Variants in PDE3B observed in about 807,000 individuals in gnomAD.
The protein encoded by PDE3B is phosphodiesterase 3B.
Under a neutral mutation model 116.8 loss-of-function variants are expected in PDE3B, and 66 were observed. The ratio of observed to expected loss-of-function variants is 0.56; its 90% CI spans 0.46 to 0.69. PDE3B has a LOEUF of 0.69. Ranked by LOEUF, PDE3B falls within the 30% of genes least tolerant of loss-of-function variation. PDE3B has a pLI of 0.00. For synonymous variants in PDE3B, 595 were observed against 533.6 expected, an observed-to-expected ratio of 1.12 and a Z score of -1.59; for missense variants, 1,384 against 1,368.1, an observed-to-expected ratio of 1.01 and a Z score of -0.18.
chr11:14,680,917 A>C (rs914166467), intron 1 of PDE3B, among the ~76,000 whole-genome samples: 1 of 152,040 alleles, frequency 6.6e-6, no homozygotes, highest in African/African-American at 2.4e-5. Context: ...AACCCTGTTG[A>C]CTTTTTGTTT....
chr11:14,749,188 C>A (rs1856992323), intron 1 of PDE3B, among the ~76,000 whole-genome samples: 1 of 152,036 alleles, frequency 6.6e-6, no homozygotes, highest in Non-Finnish European at 1.5e-5. Context: ...CCACGCCTGG[C>A]CAAGAACTTT....
intron 1 of PDE3B, among the ~76,000 whole-genome samples, chr11:14,750,308 C>G (rs1857023155): frequency 6.6e-6 from 1 of 151,924 alleles, no homozygotes; most frequent in African/African-American, 2.4e-5. Context: ...AATTAACTAT[C>G]ACAAATATGA....
chr11:14,687,036 A>G (rs1434990240), intron 1 of PDE3B, among the ~76,000 whole-genome samples: 1 of 152,138 alleles, frequency 6.6e-6, no homozygotes, highest in Non-Finnish European at 1.5e-5. Context: ...AATATTTTTT[A>G]TAGTAAAAAT....
intron 1 of PDE3B, among the ~76,000 whole-genome samples, chr11:14,702,301 TAA>T (rs1855388834): frequency 1.3e-5 from 2 of 151,864 alleles, no homozygotes; most frequent in African/African-American, 4.8e-5. Context: ...AGATTATTAA[TAA>T]GAGTTTATTG....
intron 9 of PDE3B, among the ~76,000 whole-genome samples, chr11:14,832,338 T>C (rs1457500242): frequency 1.3e-5 from 2 of 152,236 alleles, no homozygotes; most frequent in East Asian, 1.9e-4. Flanking sequence ...TATAAGTTCA[T>C]TTAATTGAAG....
chr11:14,754,282 A>G (rs1383692901), intron 1 of PDE3B, among the ~76,000 whole-genome samples: 1 of 152,058 alleles, frequency 6.6e-6, no homozygotes. Flanking sequence ...TTAGCATTTT[A>G]ATTTTCACTG....
At chr11:14,749,668 G>A (rs1248433416) in intron 1 of PDE3B, among the ~76,000 whole-genome samples, 1 of 150,998 alleles carries the variant, frequency 6.6e-6, no homozygotes, top group East Asian at 2.0e-4. Flanking sequence ...ATGTCACAAA[G>A]GCCTTCTCTG....
chr11:14,782,901 A>C (rs1351687497), intron 2 of PDE3B, among the ~76,000 whole-genome samples: 1 of 152,240 alleles, frequency 6.6e-6, no homozygotes, highest in Non-Finnish European at 1.5e-5. Context: ...CAAGGAACTT[A>C]AACAAATTTA....
At chr11:14,892,573 C>CT in the PDE3B span, among the ~76,000 whole-genome samples, 1 of 152,174 alleles carries the variant, frequency 6.6e-6, no homozygotes, top group Non-Finnish European at 1.5e-5. Flanking sequence ...CTTAAAGTGT[C>CT]TTTTTAAGTA....
intron 1 of PDE3B, among the ~76,000 whole-genome samples, chr11:14,657,542 A>G (rs555777781): frequency 6.6e-6 from 1 of 152,326 alleles, no homozygotes; most frequent in South Asian, 2.1e-4. Flanking sequence ...TTTACGGGAA[A>G]ATACTTACAT....
chr11:14,673,749 C>A, intron 1 of PDE3B: 1 of 771,844 alleles, frequency 1.3e-6, no homozygotes. Context: ...TGCTCCAATT[C>A]GTACAAGTAA....
At chr11:14,654,678 C>G (rs569131797) in intron 1 of PDE3B, among the ~76,000 whole-genome samples, 5 of 152,096 alleles carry the variant, frequency 3.3e-5, no homozygotes, top group African/African-American at 1.2e-4. Context: ...AAAACAATAG[C>G]ATTTACATTG....
intron 4 of PDE3B, among the ~76,000 whole-genome samples, chr11:14,794,308 C>G (rs1858481754): frequency 7.3e-6 from 1 of 136,244 alleles, no homozygotes; most frequent in Non-Finnish European, 1.5e-5. Flanking sequence ...TCAATTATTT[C>G]TTTTTCTTTT....
intron 5 of PDE3B, among the ~76,000 whole-genome samples, chr11:14,806,068 G>A (rs1858910125): frequency 6.6e-6 from 1 of 152,202 alleles, no homozygotes; most frequent in South Asian, 2.1e-4. Context: ...TTCAACCAGT[G>A]TGGAAGACAG....
At chr11:14,756,030 A>G (rs1326418647) in intron 1 of PDE3B, among the ~76,000 whole-genome samples, 2 of 152,196 alleles carry the variant, frequency 1.3e-5, no homozygotes, top group African/African-American at 4.8e-5. Flanking sequence ...CCCATTTTAC[A>G]ATTATTTTAC....
rs1293503842 is a variant in PDE3B at position 14,644,197 on chromosome 11, A to C, written c.122A>C (p.Gln41Pro). ...AAGAGCTGCGTGAGCCCCTTGCGGC[A>C]GGACCCTCCGCGCGGCTTCTTCTTC... ...YVKSCVSPLR[Q>P]DPPRGFFFHL... Residue 41 changes from glutamine to proline, a missense_variant, in exon 1 of 16, where the codon CAG becomes CCG. Coordinates refer to ENST00000282096, the MANE Select transcript of PDE3B (RefSeq NM_000922.4). The C allele has an allele frequency of 6.3e-7, 1 of 1,595,204 alleles. No homozygotes were observed. The highest frequency in any genetic ancestry group is 8.5e-7 in the Non-Finnish European group (1 of 1,177,408).
At chr11:14,856,813 C>A (rs1303409607) in intron 12 of PDE3B, among the ~76,000 whole-genome samples, 1 of 150,100 alleles carries the variant, frequency 6.7e-6, no homozygotes. Flanking sequence ...GAGATCGCGC[C>A]ACTGCACTCT....
At chr11:14,863,563 G>T (rs146436509) in intron 14 of PDE3B, among the ~76,000 whole-genome samples, 5,276 of 152,224 alleles carry the variant, frequency 0.035, 143 homozygotes, top group Non-Finnish European at 0.051. Context: ...AGAAAGGTTG[G>T]GTTACTCACA....
At chr11:14,808,456 A>G (rs545941151) in intron 5 of PDE3B, among the ~76,000 whole-genome samples, 1 of 152,356 alleles carries the variant, frequency 6.6e-6, no homozygotes, top group Non-Finnish European at 1.5e-5. Flanking sequence ...TTATCCCTGA[A>G]GTGGATTGGA....
Sources: allele counts gnomAD v4.1 joint callset (sites outside exome capture counted in the v4.1 genomes callset), GRCh38; gene constraint gnomAD v4.1.1; transcripts MANE v1.5; gene names NCBI Gene and HGNC (gene_info 2026-07-23, HGNC 2026-07-21).